PTPRM: variants seen among roughly 807,000 people sequenced by gnomAD.
PTPRM encodes receptor-type tyrosine-protein phosphatase mu.
Under a neutral mutation model 186.7 loss-of-function variants are expected in PTPRM, and 47 were observed. The observed-to-expected ratio is 0.25, with a 90% CI of 0.20 to 0.32. The LOEUF is 0.32. PTPRM is among the 10% of genes least tolerant of loss of function. The pLI, the probability that PTPRM is intolerant of heterozygous loss-of-function variation, is 1.00. For missense variants in PTPRM, 1,494 were observed against 1,865.0 expected, an observed-to-expected ratio of 0.80 and a Z score of 3.66; for synonymous variants, 668 against 674.9, an observed-to-expected ratio of 0.99 and a Z score of 0.16.
chr18:8,300,141 C>T (rs987888825), intron 20 of PTPRM, among the ~76,000 whole-genome samples: 3 of 152,128 alleles, frequency 2.0e-5, no homozygotes, highest in African/African-American at 7.2e-5. Flanking sequence ...AATAATAGAT[C>T]TCAGGTCCAT....
chr18:8,325,620 T>C (rs2095370952), intron 22 of PTPRM, among the ~76,000 whole-genome samples: 2 of 152,230 alleles, frequency 1.3e-5, no homozygotes, highest in Non-Finnish European at 1.5e-5. Context: ...ACTGCTGTGA[T>C]GAACACATGT....
chr18:8,066,952 G>T (rs780079067), intron 7 of PTPRM, among the ~76,000 whole-genome samples: 1 of 152,082 alleles, frequency 6.6e-6, no homozygotes. Context: ...ATACTTGACC[G>T]GTACACAGAC....
intron 3 of PTPRM, among the ~76,000 whole-genome samples, chr18:7,904,942 T>G (rs1029212201): frequency 6.6e-6 from 1 of 152,204 alleles, no homozygotes; most frequent in Non-Finnish European, 1.5e-5. Flanking sequence ...TTAATCAGAT[T>G]AAGAAAATTG....
At chr18:8,009,438 G>A (rs761385390) in intron 7 of PTPRM, among the ~76,000 whole-genome samples, 6 of 152,008 alleles carry the variant, frequency 3.9e-5, no homozygotes, top group South Asian at 2.1e-4. Flanking sequence ...GGCCGAGCGC[G>A]GTGGCCCATG....
intron 14 of PTPRM, among the ~76,000 whole-genome samples, chr18:8,207,604 A>G (rs1343542237): frequency 2.6e-5 from 4 of 152,230 alleles, no homozygotes; most frequent in Admixed American, 2.6e-4. Context: ...ATAAAAATGT[A>G]TAAAAAAGAC....
intron 5 of PTPRM, among the ~76,000 whole-genome samples, chr18:7,935,925 TA>T (rs2051777079): frequency 1.3e-5 from 2 of 152,248 alleles, no homozygotes. Flanking sequence ...GCATCACCAC[TA>T]ATCTTAAGGT....
intron 2 of PTPRM, among the ~76,000 whole-genome samples, chr18:7,805,456 A>G (rs376575938): frequency 2.7e-4 from 41 of 152,190 alleles, no homozygotes; most frequent in Non-Finnish European, 7.3e-5. Flanking sequence ...TTTCACTTCC[A>G]TCTTGGTACA....
intron 20 of PTPRM, among the ~76,000 whole-genome samples, chr18:8,311,920 T>G (rs988123849): frequency 1.3e-5 from 2 of 152,110 alleles, no homozygotes; most frequent in African/African-American, 4.8e-5. Context: ...TGAGCAGCAC[T>G]CATCCTGAGG....
intron 31 of PTPRM, among the ~76,000 whole-genome samples, chr18:8,394,019 C>A (rs1307281960): frequency 6.6e-6 from 1 of 152,164 alleles, no homozygotes; most frequent in Non-Finnish European, 1.5e-5. Context: ...GTCTCGATCT[C>A]CTGACCTCGT....
chr18:7,747,848 A>C (rs1449083977), intron 1 of PTPRM, among the ~76,000 whole-genome samples: 2 of 152,214 alleles, frequency 1.3e-5, no homozygotes, highest in Non-Finnish European at 2.9e-5. Context: ...TGGGGGGATG[A>C]AATGAGGACA....
At chr18:7,589,555 T>TC (rs1243157940) in intron 1 of PTPRM, among the ~76,000 whole-genome samples, 8 of 151,694 alleles carry the variant, frequency 5.3e-5, no homozygotes, top group Middle Eastern at 6.8e-3. Flanking sequence ...CCCCTGCAAC[T>TC]CCCCCCCACC....
intron 7 of PTPRM, among the ~76,000 whole-genome samples, chr18:7,982,881 T>TA (rs1387094751): frequency 6.6e-6 from 1 of 152,064 alleles, no homozygotes; most frequent in East Asian, 1.9e-4. Context: ...CTCTGAGGTT[T>TA]ATTGAAAGTC....
intron 7 of PTPRM, among the ~76,000 whole-genome samples, chr18:8,033,846 TCA>T (rs1267973859): frequency 1.3e-5 from 2 of 152,220 alleles, no homozygotes; most frequent in Non-Finnish European, 2.9e-5. Flanking sequence ...AAATTTATTC[TCA>T]CACAGCCTGC....
At chr18:8,189,072 G>A (rs1367084977) in intron 14 of PTPRM, among the ~76,000 whole-genome samples, 1 of 152,076 alleles carries the variant, frequency 6.6e-6, no homozygotes, top group Non-Finnish European at 1.5e-5. Context: ...TTGGGAGGCC[G>A]TGGCAGGAGG....
chr18:8,057,010 A>T (rs974697546), intron 7 of PTPRM, among the ~76,000 whole-genome samples: 1 of 151,818 alleles, frequency 6.6e-6, no homozygotes, highest in Non-Finnish European at 1.5e-5. Context: ...TATTTAATGT[A>T]ATTCTAGACA....
At chr18:7,691,299 A>T (rs2039727151) in intron 1 of PTPRM, among the ~76,000 whole-genome samples, 1 of 152,168 alleles carries the variant, frequency 6.6e-6, no homozygotes, top group Admixed American at 6.5e-5. Context: ...CCTGAATCAT[A>T]TTATATGTCT....
intron 2 of PTPRM, among the ~76,000 whole-genome samples, chr18:7,858,907 T>TAGA (rs1479775895): frequency 1.3e-5 from 2 of 152,198 alleles, no homozygotes; most frequent in East Asian, 3.9e-4. Flanking sequence ...TAGTCTTCAA[T>TAGA]AAAGAGAACA....
chr18:7,663,949 C>T (rs976957640), intron 1 of PTPRM, among the ~76,000 whole-genome samples: 1 of 152,136 alleles, frequency 6.6e-6, no homozygotes. Context: ...GGATGTCAAG[C>T]CAGACTTTTC....
intron 7 of PTPRM, among the ~76,000 whole-genome samples, chr18:8,011,935 T>C (rs2084555468): frequency 6.6e-6 from 1 of 152,362 alleles, no homozygotes; most frequent in South Asian, 2.1e-4. Flanking sequence ...CGTATAGAAA[T>C]AGGTATAAGT....
Sources: gnomAD v4.1 joint callset for allele counts (sites outside exome capture counted in the v4.1 genomes callset) on GRCh38, gnomAD v4.1.1 for gene constraint, MANE v1.5 for transcripts, NCBI Gene and HGNC (gene_info 2026-07-23, HGNC 2026-07-21) for gene names.